Variants in RMND1 observed in about 807,000 individuals in gnomAD.
RMND1 encodes required for meiotic nuclear division protein 1 homolog.
RMND1 carries 41 observed loss-of-function variants against 54.0 expected under a neutral mutation model. That is an observed-to-expected ratio of 0.76 (90% CI 0.59 to 0.98). RMND1 has a LOEUF of 0.98. Ranked by LOEUF, RMND1 falls within the 50% of genes least tolerant of loss-of-function variation. RMND1 has a pLI of 0.00. For missense variants in RMND1, 457 were observed against 532.0 expected, an observed-to-expected ratio of 0.86 and a Z score of 1.39; for synonymous variants, 183 against 181.7, an observed-to-expected ratio of 1.01 and a Z score of -0.06.
chr6:151,417,768 C>T (rs1780046526), intron 9 of RMND1, among the ~76,000 whole-genome samples: 1 of 151,750 alleles, frequency 6.6e-6, no homozygotes, highest in Non-Finnish European at 1.5e-5. Flanking sequence ...TTAATACCAA[C>T]ATTATTTATG....
chr6:151,412,787 AC>A (rs1186019490), intron 10 of RMND1, among the ~76,000 whole-genome samples: 1 of 152,158 alleles, frequency 6.6e-6, no homozygotes, highest in East Asian at 1.9e-4. Flanking sequence ...AGAAGAGCGA[AC>A]AAGGGGAGAT....
At chr6:151,407,604 A>C (rs780338646) in intron 10 of RMND1, among the ~76,000 whole-genome samples, 1 of 152,106 alleles carries the variant, frequency 6.6e-6, no homozygotes, top group Non-Finnish European at 1.5e-5. Context: ...ACACACTGAA[A>C]TGTGCAAGCA....
rs948120582 is a variant in RMND1 at position 151,408,799 on chromosome 6, T to C, written c.1201-2963A>G. On this transcript the variant is annotated intron_variant, in intron 10 of 11. Transcript: ENST00000444024. The stretch of plus-strand genomic sequence containing the variant: ...AGGAGGGGGCCATGAGCAAGGAATA[T>C]GGGTGGCCTCCAGTCACTGGAAAAG... 5 of 152,238 alleles carry C rather than the reference T, an allele frequency of 3.3e-5. No homozygotes were observed. In the East Asian group the frequency reaches 9.7e-4, roughly 29 times the overall value. 9.4% of individuals were successfully genotyped at this position (152,238 alleles called of 1,614,324 possible). A position where few individuals can be genotyped will look rare whatever the true frequency, so the allele number is the denominator to read the frequency against.
intron 9 of RMND1, among the ~76,000 whole-genome samples, chr6:151,419,618 G>A (rs896775818): frequency 2.0e-5 from 3 of 148,472 alleles, no homozygotes; most frequent in Non-Finnish European, 3.0e-5. Flanking sequence ...AGGCTTTGGT[G>A]AGCTATGATC....
chr6:151,425,640 T>C (rs997161380), intron 6 of RMND1, among the ~76,000 whole-genome samples: 1 of 152,206 alleles, frequency 6.6e-6, no homozygotes, highest in Non-Finnish European at 1.5e-5. Context: ...GGCTGCTCAT[T>C]TGCTGTCTCT....
At chr6:151,431,036 T>C (rs1231963665) in intron 4 of RMND1, among the ~76,000 whole-genome samples, 2 of 152,042 alleles carry the variant, frequency 1.3e-5, no homozygotes, top group Non-Finnish European at 1.5e-5. Flanking sequence ...CCAATTACAA[T>C]AGTGTGTGAT....
At chr6:151,426,146 G>C (rs1303062897) in intron 6 of RMND1, among the ~76,000 whole-genome samples, 1 of 151,828 alleles carries the variant, frequency 6.6e-6, no homozygotes, top group Non-Finnish European at 1.5e-5. Context: ...ATGGGGTTTC[G>C]CCATGTTGGC....
rs977398770 is a variant in RMND1 at position 151,440,502 on chromosome 6, T to G, written c.505-3948A>C. ...CTCCAAATAAATTATGAATAAATCT[T>G]TAAACACAATCTGTTTTCACTTGGC... On this transcript the variant is annotated intron_variant, in intron 2 of 11. Coordinates refer to ENST00000444024, the MANE Select transcript of RMND1 (RefSeq NM_017909.4). 9.9e-5 allele frequency among the ~76,000 whole-genome samples: 15 copies of G among 152,252 alleles called. No homozygotes were observed. In the East Asian group the frequency reaches 2.5e-3, roughly 25 times the overall value.
rs1176794962 is a variant in RMND1 at position 151,445,275 on chromosome 6, T to G, written c.504+33A>C. The G allele has an allele frequency of 8.3e-6, 13 of 1,571,424 alleles. 1 individual carries two copies. The highest frequency in any genetic ancestry group is 1.1e-5 in the Non-Finnish European group (13 of 1,161,244). On this transcript the variant is annotated intron_variant, in intron 2 of 11. Coordinates refer to ENST00000444024, the MANE Select transcript of RMND1 (RefSeq NM_017909.4). Reference sequence around the variant, plus strand: ...CTGGTTTAGCATGAGCAATGATCACTAAGCACGAGAGCCACGGCCACCCCT... The same window carrying G: ...CTGGTTTAGCATGAGCAATGATCACGAAGCACGAGAGCCACGGCCACCCCT...
chr6:151,412,639 C>T (rs936289049), intron 10 of RMND1, among the ~76,000 whole-genome samples: 3 of 152,086 alleles, frequency 2.0e-5, no homozygotes, highest in African/African-American at 7.2e-5. Context: ...AGAAAAGAGG[C>T]CTAATTGGCT....
rs565703777 is a variant in RMND1 at position 151,450,509 on chromosome 6, C to T, written c.-15+1507G>A. Among the ~76,000 whole-genome samples the T allele has an allele frequency of 3.6e-5, 5 of 139,704 alleles. No homozygotes were observed. The East Asian group carries it at 1.1e-3, about 32-fold the overall frequency. The allele number at this position is 139,704 out of a possible 152,430, so 91.7% of individuals were successfully genotyped here. Reference sequence around the variant, plus strand: ...GGTGTCAGCCCCCCGCCCGGCCAGCCGCCCCGTCCGGGAGGGAGGTGGGGG... The same window carrying T: ...GGTGTCAGCCCCCCGCCCGGCCAGCTGCCCCGTCCGGGAGGGAGGTGGGGG... On this transcript the variant is annotated intron_variant, in intron 1 of 11. Transcript: ENST00000444024.
intron 1 of RMND1, among the ~76,000 whole-genome samples, chr6:151,447,242 T>C (rs779134773): frequency 8.5e-5 from 13 of 152,088 alleles, no homozygotes; most frequent in African/African-American, 1.4e-4. Context: ...AAAGGATATA[T>C]AAAGTCATCC....
chr6:151,406,359 T>TG (rs1047229755), intron 10 of RMND1, among the ~76,000 whole-genome samples: 20 of 114,394 alleles, frequency 1.7e-4, no homozygotes, highest in Non-Finnish European at 1.2e-4. Flanking sequence ...AACTTTTTTT[T>TG]TTGTTGTTGT....
intron 5 of RMND1, among the ~76,000 whole-genome samples, chr6:151,428,614 C>G (rs566577108): frequency 3.9e-5 from 6 of 152,288 alleles, no homozygotes; most frequent in African/African-American, 9.6e-5. Flanking sequence ...TCATTGCAGC[C>G]TCAAACTCCT....
chr6:151,448,628 A>C (rs1456804276), intron 1 of RMND1, among the ~76,000 whole-genome samples: 1 of 152,208 alleles, frequency 6.6e-6, no homozygotes, highest in Non-Finnish European at 1.5e-5. Flanking sequence ...TACCTGATCC[A>C]AACTGCTATC....
At position 151,407,978 on chromosome 6, in the gene RMND1, C is replaced by T. The variant is rs57563968; in HGVS notation, c.1201-2142G>A. On this transcript the variant is annotated intron_variant, in intron 10 of 11. Transcript: ENST00000444024. ...TTATTTAGGTATAGAGGCATGTACG[C>T]GTCGAGCATGCAGATTAAGGGAGCA... 1.2e-4 allele frequency among the ~76,000 whole-genome samples: 18 copies of T among 152,118 alleles called. No individual in the cohort carries two copies. The East Asian group carries it at 2.1e-3, about 18-fold the overall frequency.
rs567237185 is a variant in RMND1, at chr6:151,410,216, A to G, written c.1201-4380T>C. Among the ~76,000 whole-genome samples, 343 of 151,984 alleles carry G rather than the reference A, an allele frequency of 2.3e-3. 1 individual carries two copies. Among genetic ancestry groups the G allele is most frequent in the Non-Finnish European group, 3.8e-3 (258 of 67,960 alleles). On this transcript the variant is annotated intron_variant, in intron 10 of 11. Transcript: ENST00000444024. The stretch of plus-strand genomic sequence containing the variant: ...ACTACAGACGCCCGCCACCACGCCC[A>G]GCTAATTTTTTTGTATTTTTAGTAG...
intron 11 of RMND1, among the ~76,000 whole-genome samples, chr6:151,405,512 T>C (rs536238367): frequency 6.6e-6 from 1 of 152,340 alleles, no homozygotes; most frequent in East Asian, 1.9e-4. Flanking sequence ...AGGTCTACTC[T>C]CAAATTTTAA....
chr6:151,410,198 A>T (rs142395054), intron 10 of RMND1, among the ~76,000 whole-genome samples: 1 of 151,372 alleles, frequency 6.6e-6, no homozygotes, highest in Non-Finnish European at 1.5e-5. Context: ...GGGACTACAG[A>T]CGCCCGCCAC....
Sources: gnomAD v4.1 joint callset for allele counts (sites outside exome capture counted in the v4.1 genomes callset) on GRCh38, gnomAD v4.1.1 for gene constraint, MANE v1.5 for transcripts, NCBI Gene and HGNC (gene_info 2026-07-23, HGNC 2026-07-21) for gene names.